Variants in FGF22 observed in about 807,000 individuals in gnomAD.
FGF22 encodes the protein fibroblast growth factor 22.
In FGF22, 11 loss-of-function variants were observed where a neutral mutation model predicts 10.3. The observed-to-expected ratio is 1.07, with a 90% CI of 0.67 to 1.77. The LOEUF is 1.77. Among genes scored for constraint, FGF22 ranks in the 40% most tolerant of loss-of-function variants. The probability of loss-of-function intolerance (pLI) is 0.00; values close to 1 mark genes in which losing one functional copy is unlikely to be tolerated. For missense variants in FGF22, 317 were observed against 273.2 expected, an observed-to-expected ratio of 1.16 and a Z score of -1.13; for synonymous variants, 136 against 122.1, an observed-to-expected ratio of 1.11 and a Z score of -0.75.
chr19:643,300 T>C (rs1385835984), exon 2 of FGF22: 2 of 1,610,304 alleles, frequency 1.2e-6, no homozygotes, highest in South Asian at 1.1e-5. Flanking sequence ...CTCAGGCTTC[T>C]ACGTGGCCAT....
chr19:643,306 G>C (rs760467518), exon 2 of FGF22: 1 of 1,601,092 alleles, frequency 6.2e-7, no homozygotes, highest in Non-Finnish European at 8.5e-7. Context: ...CTTCTACGTG[G>C]CCATGAACCG....
chr19:642,887 A>G (rs1985950955), intron 1 of FGF22, among the ~76,000 whole-genome samples: 1 of 151,826 alleles, frequency 6.6e-6, no homozygotes, highest in Non-Finnish European at 1.5e-5. Context: ...CCCCCCCGCC[A>G]TACACACACA....
chr19:639,977 C>T (rs1568183153), exon 1 of FGF22: 4 of 1,263,762 alleles, frequency 3.2e-6, no homozygotes, highest in Admixed American at 4.3e-5. Flanking sequence ...GGCGCGGGCG[C>T]CGGACGCCGC....
rs11572864 is a variant in FGF22 at position 641,523 on chromosome 19, T to C, written c.214+1384T>C. 8.3e-5 allele frequency: 22 copies of C among 265,718 alleles called. 1 individual carries two copies. Among genetic ancestry groups the C allele is most frequent in the East Asian group, 5.7e-4 (6 of 10,484 alleles). The allele number at this position is 265,718 out of a possible 1,614,324, so 16.5% of individuals were successfully genotyped here. A position where few individuals can be genotyped will look rare whatever the true frequency, so the allele number is the denominator to read the frequency against. On this transcript the variant is annotated intron_variant, in intron 1 of 2. Transcript: ENST00000215530. ...CCGGGAGGTGGAGCTTGCAGTGAGC[T>C]GAGATCGCGCCACTGCCCTCCACCC...
intron 1 of FGF22, among the ~76,000 whole-genome samples, chr19:641,755 G>A (rs1036439390): frequency 1.3e-5 from 2 of 152,148 alleles, no homozygotes; most frequent in Non-Finnish European, 2.9e-5. Flanking sequence ...AGACGTTCCT[G>A]TGTGTCCTGG....
At chr19:642,273 CAT>C (rs1390303751) in intron 1 of FGF22, among the ~76,000 whole-genome samples, 13 of 43,460 alleles carry the variant, frequency 3.0e-4, no homozygotes, top group South Asian at 1.2e-3. Context: ...CTGGGGGCTC[CAT>C]ATGGGGTGGT....
chr19:639,988 G>T (rs1600612885), exon 1 of FGF22: 1 of 1,279,380 alleles, frequency 7.8e-7, no homozygotes, highest in Non-Finnish European at 9.8e-7. Flanking sequence ...CGGACGCCGC[G>T]GGAACCCCGA....
At position 643,178 on chromosome 19, in the gene FGF22, C is replaced by A. The variant is rs1367942285; in HGVS notation, c.215-57C>A. ...AGGGCCCTGCACGAAGCACAGCGGACAGCAGCGGTGCTGGGGGTGAGCCAG... is the reference window on the plus strand; with the variant it reads ...AGGGCCCTGCACGAAGCACAGCGGAAAGCAGCGGTGCTGGGGGTGAGCCAG... On this transcript the variant is annotated intron_variant, in intron 1 of 2. Coordinates refer to ENST00000215530, the Ensembl canonical transcript of FGF22. The A allele has an allele frequency of 6.8e-6, 5 of 737,702 alleles. No individual in the cohort carries two copies. In the East Asian group the frequency reaches 6.4e-4, roughly 95 times the overall value. 45.7% of individuals were successfully genotyped at this position (737,702 alleles called of 1,614,324 possible). A position where few individuals can be genotyped will look rare whatever the true frequency, so the allele number is the denominator to read the frequency against.
In FGF22 at chr19:641,237, C is replaced by T. The variant is rs116901967; in HGVS notation, c.214+1098C>T. The T allele has an allele frequency of 8.5e-5, 39 of 456,372 alleles. 1 individual carries two copies. The highest frequency in any genetic ancestry group is 2.6e-4 in the South Asian group (17 of 64,560). The allele number at this position is 456,372 out of a possible 1,614,324, so 28.3% of individuals were successfully genotyped here. A position where few individuals can be genotyped will look rare whatever the true frequency, so the allele number is the denominator to read the frequency against. On this transcript the variant is annotated intron_variant, in intron 1 of 2. Transcript: ENST00000215530. ...TCCTGGGGCTCCCAGAGCAGAGGCG[C>T]GCAGCAGTTAGACACGTGAACAAGG...
At chr19:642,561 T>C (rs187253091) in intron 1 of FGF22, among the ~76,000 whole-genome samples, 573 of 56,826 alleles carry the variant, frequency 0.01, 35 homozygotes, top group Middle Eastern at 0.039. Flanking sequence ...GGCTGGGGGG[T>C]CCCTGGGGTG....
At position 643,396 on chromosome 19, in the gene FGF22, AC is replaced by A. The variant is rs1423350851; in HGVS notation, c.319-9del. ...AGGGTGGGGAGGGTGGGCCGGCCTCACCCCCGCCCGCAGCGACTCTACACCG... is the reference window on the plus strand; with the variant it reads ...AGGGTGGGGAGGGTGGGCCGGCCTCACCCCGCCCGCAGCGACTCTACACCG... On this transcript the variant is annotated splice_polypyrimidine_tract_variant and intron_variant, in intron 2 of 2. Transcript: ENST00000215530. The A allele has an allele frequency of 3.9e-6, 6 of 1,554,926 alleles. No homozygotes were observed. Among genetic ancestry groups the A allele is most frequent in the South Asian group, 3.3e-5 (3 of 89,786 alleles).
exon 3 of FGF22, chr19:643,447 T>C (rs749102468): frequency 6.2e-7 from 1 of 1,611,332 alleles, no homozygotes; most frequent in Non-Finnish European, 8.5e-7. Context: ...CGGGAGCGCA[T>C]CGAAGAGAAC....
chr19:640,157 G>A lies in FGF22; in HGVS notation c.214+18G>A, dbSNP rs1215791292. 2 of 1,281,550 alleles carry A rather than the reference G, an allele frequency of 1.6e-6. No individual in the cohort carries two copies. The highest frequency in any genetic ancestry group is 8.4e-5 in the Admixed American group (2 of 23,878). 79.4% of individuals were successfully genotyped at this position (1,281,550 alleles called of 1,614,324 possible). A position where few individuals can be genotyped will look rare whatever the true frequency, so the allele number is the denominator to read the frequency against. On this transcript the variant is annotated intron_variant, in intron 1 of 2. Coordinates refer to ENST00000215530, the Ensembl canonical transcript of FGF22. ...CCAGGACAGTGAGTGCGGGGCGGCGGGGGCCTGGGGTGGGGAGGCGGCGGG... is the reference window on the plus strand; with the variant it reads ...CCAGGACAGTGAGTGCGGGGCGGCGAGGGCCTGGGGTGGGGAGGCGGCGGG...
chr19:643,334 G>C lies in FGF22; in HGVS notation c.314G>C (p.Gly105Ala). Residue 105 changes from glycine (G) to alanine (A), a missense_variant, in exon 2 of 3, where the codon GGG (glycine) becomes GCG (alanine). Transcript: ENST00000215530. Reference sequence around the variant, plus strand: ...ATGAACCGCCGGGGCCGCCTCTACGGGTCGGTGAGTGCCGGGCAGGGCTGG... The same window carrying C: ...ATGAACCGCCGGGGCCGCCTCTACGCGTCGGTGAGTGCCGGGCAGGGCTGG... The C allele has an allele frequency of 6.2e-7, 1 of 1,610,108 alleles. No individual in the cohort carries two copies. Among genetic ancestry groups the C allele is most frequent in the Non-Finnish European group, 8.5e-7 (1 of 1,178,562 alleles).
At position 642,020 on chromosome 19, in the gene FGF22, C is replaced by A. The variant is rs190955651; in HGVS notation, c.215-1215C>A. On this transcript the variant is annotated intron_variant, in intron 1 of 2. Coordinates refer to ENST00000215530, the Ensembl canonical transcript of FGF22. ...TGGCTCTGCCACTCCCAGGCCTCAA[C>A]TGGCCCCTCTGCAACGTGGGCTGCT... Among the ~76,000 whole-genome samples the A allele has an allele frequency of 2.2e-3, 337 of 152,324 alleles. 1 individual carries two copies. The highest frequency in any genetic ancestry group is 7.7e-3 in the African/African-American group (320 of 41,582).
rs544744984 is a variant in FGF22 at position 642,036 on chromosome 19, G to A, written c.215-1199G>A. Reference sequence around the variant, plus strand: ...AGGCCTCAACTGGCCCCTCTGCAACGTGGGCTGCTGAGCGGGCTTGGTAGG... The same window carrying A: ...AGGCCTCAACTGGCCCCTCTGCAACATGGGCTGCTGAGCGGGCTTGGTAGG... On this transcript the variant is annotated intron_variant, in intron 1 of 2. Transcript: ENST00000215530. 2.6e-5 allele frequency among the ~76,000 whole-genome samples: 4 copies of A among 152,316 alleles called. No individual in the cohort carries two copies. The East Asian group carries it at 5.8e-4, about 22-fold the overall frequency.
exon 1 of FGF22, chr19:640,026 C>T: frequency 5.1e-6 from 7 of 1,380,386 alleles, no homozygotes; most frequent in Non-Finnish European, 6.6e-6. Context: ...CGCAGCTACC[C>T]GCACCTGGAG....
At chr19:640,107 T>A in exon 1 of FGF22, 7 of 1,386,752 alleles carry the variant, frequency 5.0e-6, no homozygotes, top group Non-Finnish European at 6.5e-6. Flanking sequence ...GGCGGCCGCG[T>A]GCAGGGCACC....
At chr19:639,908 C>T (rs1485803943) in exon 1 of FGF22, 1 of 1,208,738 alleles carries the variant, frequency 8.3e-7, no homozygotes, top group Admixed American at 4.3e-5. Flanking sequence ...GAGCGCGCAG[C>T]GAACCGGGTG....
Sources: allele counts gnomAD v4.1 joint callset (sites outside exome capture counted in the v4.1 genomes callset), GRCh38; gene constraint gnomAD v4.1.1; transcripts MANE v1.5; gene names NCBI Gene and HGNC (gene_info 2026-07-23, HGNC 2026-07-21).